The following DLG2 variants were observed in gnomAD, a reference collection of about 807,000 sequenced individuals.
DLG2 encodes the protein discs large MAGUK scaffold protein 2.
Under a neutral mutation model 132.5 loss-of-function variants are expected in DLG2, and 45 were observed. The observed-to-expected ratio is 0.34, with a 90% confidence interval of 0.27 to 0.44. The LOEUF is 0.44. DLG2 is among the 20% of genes least tolerant of loss of function. The pLI, the probability that DLG2 is intolerant of heterozygous loss-of-function variation, is 1.00. For synonymous variants in DLG2, 424 were observed against 419.6 expected, an observed-to-expected ratio of 1.01 and a Z score of -0.13; for missense variants, 1,045 against 1,196.9, an observed-to-expected ratio of 0.87 and a Z score of 1.87.
chr11:84,000,059 T>C (rs1309933381), intron 11 of DLG2, among the ~76,000 whole-genome samples: 5 of 151,988 alleles, frequency 3.3e-5, no homozygotes, highest in East Asian at 1.9e-4. Flanking sequence ...AAAGAATTCA[T>C]ATTATCAATT....
At chr11:84,484,720 A>T (rs957542594) in intron 7 of DLG2, among the ~76,000 whole-genome samples, 1 of 152,162 alleles carries the variant, frequency 6.6e-6, no homozygotes, top group Non-Finnish European at 1.5e-5. Context: ...CAAAATAAAA[A>T]GCTTGATCCT....
At chr11:84,324,990 T>C (rs749352391) in intron 7 of DLG2, among the ~76,000 whole-genome samples, 4 of 152,140 alleles carry the variant, frequency 2.6e-5, no homozygotes, top group Non-Finnish European at 5.9e-5. Context: ...ACTTCTTCCT[T>C]TCCAATTGAG....
intron 7 of DLG2, among the ~76,000 whole-genome samples, chr11:84,410,963 C>A (rs1350319440): frequency 1.3e-5 from 2 of 152,158 alleles, no homozygotes; most frequent in Non-Finnish European, 2.9e-5. Flanking sequence ...TGTAGAATAT[C>A]ATTTTCCTGT....
intron 19 of DLG2, among the ~76,000 whole-genome samples, chr11:83,548,433 G>C (rs765526692): frequency 1.3e-5 from 2 of 152,128 alleles, no homozygotes; most frequent in Non-Finnish European, 2.9e-5. Context: ...AAGCAAATTT[G>C]TCACGGCAGT....
At chr11:85,582,459 A>G (rs1322611970) in intron 3 of DLG2, among the ~76,000 whole-genome samples, 2 of 152,038 alleles carry the variant, frequency 1.3e-5, no homozygotes, top group East Asian at 3.9e-4. Context: ...GAACAGATCC[A>G]AAAACTACAT....
chr11:85,536,702 C>T (rs147383453), intron 3 of DLG2, among the ~76,000 whole-genome samples: 19 of 152,362 alleles, frequency 1.2e-4, no homozygotes, highest in Non-Finnish European at 2.4e-4. Flanking sequence ...GCTTGGCAAG[C>T]CCCGCACTCA....
chr11:84,877,417 T>G (rs1176921939), intron 6 of DLG2, among the ~76,000 whole-genome samples: 2 of 152,078 alleles, frequency 1.3e-5, no homozygotes, highest in Non-Finnish European at 2.9e-5. Context: ...CTTGTTGCAT[T>G]GATCCCTTTA....
In DLG2 at chr11:83,553,603, G is replaced by A. The variant is rs377731126; in HGVS notation, c.1941-11745C>T. Among the ~76,000 whole-genome samples the A allele has an allele frequency of 5.3e-5, 8 of 151,080 alleles. No individual in the cohort carries two copies. In the East Asian group the frequency reaches 1.4e-3, roughly 26 times the overall value. On this transcript the variant is annotated intron_variant, in intron 19 of 27. Transcript: ENST00000376104. ...CACCTCATCATTCTCTTCTCTTCTT[G>A]TACACATTTTTGCAAACACTTTTAG...
At chr11:85,389,190 C>T (rs1275313547) in intron 3 of DLG2, among the ~76,000 whole-genome samples, 1 of 152,018 alleles carries the variant, frequency 6.6e-6, no homozygotes, top group Non-Finnish European at 1.5e-5. Flanking sequence ...ATCAAGGACA[C>T]ACTTAAAGAA....
intron 15 of DLG2, among the ~76,000 whole-genome samples, chr11:83,884,126 G>A (rs570360572): frequency 2.8e-4 from 42 of 152,332 alleles, no homozygotes; most frequent in Admixed American, 7.8e-4. Flanking sequence ...TGCGCGAGCC[G>A]AAGCAGGGCG....
intron 8 of DLG2, among the ~76,000 whole-genome samples, chr11:84,226,090 C>T (rs373109258): frequency 2.0e-5 from 3 of 152,172 alleles, no homozygotes; most frequent in East Asian, 3.9e-4. Flanking sequence ...GGATTACAGG[C>T]GTGAGCTGCT....
intron 17 of DLG2, among the ~76,000 whole-genome samples, chr11:83,829,578 G>C (rs1516626): frequency 0.011 from 1,696 of 152,182 alleles, 14 homozygotes; most frequent in Middle Eastern, 0.034. Context: ...GCAAGTTATA[G>C]ATGAAAATAT....
At chr11:83,833,850 T>A (rs1565262376) in intron 16 of DLG2, 80 bp from the exon 17 acceptor site, 1 of 1,418,526 alleles carries the variant, frequency 7.0e-7, no homozygotes, top group Non-Finnish European at 9.6e-7. Context: ...ATGGGATATA[T>A]GATATCAGCA....
At chr11:85,160,987 T>A (rs2077984665) in intron 4 of DLG2, among the ~76,000 whole-genome samples, 2 of 152,086 alleles carry the variant, frequency 1.3e-5, no homozygotes, top group African/African-American at 4.8e-5. Flanking sequence ...TGACCAGATG[T>A]GTGATTATAT....
chr11:83,859,799 C>A (rs1293055982), intron 16 of DLG2, among the ~76,000 whole-genome samples: 2 of 152,134 alleles, frequency 1.3e-5, no homozygotes, highest in Non-Finnish European at 2.9e-5. Context: ...CCCTTCACAG[C>A]ACTGGAGGTT....
intron 6 of DLG2, among the ~76,000 whole-genome samples, chr11:84,743,270 A>G (rs188093410): frequency 1.2e-4 from 18 of 152,308 alleles, no homozygotes; most frequent in East Asian, 1.2e-3. Context: ...AAGAAAATTC[A>G]TATCTATTAA....
intron 6 of DLG2, among the ~76,000 whole-genome samples, chr11:85,034,179 G>A (rs1417555039): frequency 1.3e-5 from 2 of 151,294 alleles, no homozygotes; most frequent in Admixed American, 6.6e-5. Context: ...CCAGGTTCAC[G>A]CCATTCTCCT....
chr11:84,655,281 T>C (rs1382966381), intron 6 of DLG2, among the ~76,000 whole-genome samples: 1 of 152,122 alleles, frequency 6.6e-6, no homozygotes, highest in African/African-American at 2.4e-5. Flanking sequence ...TGACCTATAA[T>C]CCAGCTACTC....
At chr11:84,359,504 A>G (rs531631341) in intron 7 of DLG2, among the ~76,000 whole-genome samples, 1 of 152,016 alleles carries the variant, frequency 6.6e-6, no homozygotes, top group South Asian at 2.1e-4. Flanking sequence ...TGGCCTGAAA[A>G]TTATTGTCTA....
Sources: allele counts gnomAD v4.1 joint callset (sites outside exome capture counted in the v4.1 genomes callset), GRCh38; gene constraint gnomAD v4.1.1; transcripts MANE v1.5; gene names NCBI Gene and HGNC (gene_info 2026-07-23, HGNC 2026-07-21).